Variants in MCPH1 observed in about 807,000 individuals in gnomAD.
MCPH1 encodes microcephalin 1.
In MCPH1, 104 loss-of-function variants were observed where a neutral mutation model predicts 84.5. The ratio of observed to expected loss-of-function variants is 1.23; its 90% CI spans 1.05 to 1.45. MCPH1 has a LOEUF of 1.45. Among genes scored for constraint, MCPH1 ranks in the 40% most tolerant of loss-of-function variants. The probability of loss-of-function intolerance (pLI) is 0.00; values close to 1 mark genes in which losing one functional copy is unlikely to be tolerated. For missense variants in MCPH1, 1,498 were observed against 1,005.7 expected (o/e 1.49, Z -6.62); for synonymous variants, 514 against 366.8 (o/e 1.40, Z -4.58).
intron 8 of MCPH1, chr8:6,446,627 C>G (rs969884219): frequency 7.1e-6 from 7 of 980,388 alleles, no homozygotes; most frequent in Non-Finnish European, 6.1e-6. Flanking sequence ...AATGTTGACT[C>G]AAAAGTTAAT....
chr8:6,494,856 C>A (rs1475238796), intron 11 of MCPH1, among the ~76,000 whole-genome samples: 1 of 152,234 alleles, frequency 6.6e-6, no homozygotes, highest in Admixed American at 6.5e-5. Flanking sequence ...ATATAAAATG[C>A]CATTGAATTG....
At chr8:6,549,459 G>A (rs1248771912) in intron 12 of MCPH1, among the ~76,000 whole-genome samples, 3 of 152,216 alleles carry the variant, frequency 2.0e-5, no homozygotes, top group Admixed American at 6.5e-5. Flanking sequence ...GGATATTGAC[G>A]AGGAGGGGCC....
At chr8:6,417,503 CTTCA>C (rs1799487926) in intron 3 of MCPH1, among the ~76,000 whole-genome samples, 1 of 152,136 alleles carries the variant, frequency 6.6e-6, no homozygotes, top group Admixed American at 6.5e-5. Context: ...TCTCCTTCTT[CTTCA>C]TTATTGTTCA....
chr8:6,464,096 A>G (rs1163876459), intron 9 of MCPH1, among the ~76,000 whole-genome samples: 2 of 152,184 alleles, frequency 1.3e-5, no homozygotes, highest in African/African-American at 4.8e-5. Context: ...AATCATTTCC[A>G]TTGTTCAGAC....
At chr8:6,507,951 A>T (rs945453391) in intron 12 of MCPH1, 4 of 152,034 alleles carry the variant, frequency 2.6e-5, no homozygotes, top group Admixed American at 2.0e-4. Flanking sequence ...ATACCAACCC[A>T]TCTGTTTTAA....
intron 12 of MCPH1, among the ~76,000 whole-genome samples, chr8:6,612,700 T>G (rs554282149): frequency 4.9e-4 from 74 of 152,330 alleles, no homozygotes; most frequent in African/African-American, 1.7e-3. Flanking sequence ...CCTCCTCCGC[T>G]CACATCGCCG....
In MCPH1 at chr8:6,617,257, G is replaced by GGGT. The variant is rs1427925986; in HGVS notation, c.2215-4195_2215-4194insTGG. The GGGT allele has an allele frequency of 6.9e-5, 5 of 72,746 alleles. No homozygotes were observed. The African/African-American group carries it at 1.5e-3, about 22-fold the overall frequency. 4.5% of individuals were successfully genotyped at this position (72,746 alleles called of 1,614,324 possible). A position where few individuals can be genotyped will look rare whatever the true frequency, so the allele number is the denominator to read the frequency against. ...GTATGAAAGTTATGGGTTTTTTGGTGGGGGGGGGGTGTTTTTTTTGTTTTT... is the reference window on the plus strand; with the variant it reads ...GTATGAAAGTTATGGGTTTTTTGGTGGGTGGGGGGGGGTGTTTTTTTTGTTTTT... On this transcript the variant is annotated intron_variant, in intron 12 of 13. Coordinates refer to ENST00000344683, the MANE Select transcript of MCPH1 (RefSeq NM_024596.5).
chr8:6,484,391 G>A (rs1809602228), intron 11 of MCPH1, among the ~76,000 whole-genome samples: 1 of 152,154 alleles, frequency 6.6e-6, no homozygotes, highest in Non-Finnish European at 1.5e-5. Flanking sequence ...AATAACAGTC[G>A]CACTCTAGCA....
At chr8:6,518,358 C>G (rs987199649) in intron 12 of MCPH1, among the ~76,000 whole-genome samples, 1 of 152,210 alleles carries the variant, frequency 6.6e-6, no homozygotes, top group Non-Finnish European at 1.5e-5. Flanking sequence ...AGAGTCTGTT[C>G]GTTGCCTTTT....
intron 6 of MCPH1, among the ~76,000 whole-genome samples, chr8:6,439,975 C>T (rs75404635): frequency 0.033 from 5,046 of 152,100 alleles, 233 homozygotes; most frequent in African/African-American, 0.1. Context: ...GAAAAAGATA[C>T]GGGTTTGGTT....
At chr8:6,638,830 G>C (rs1459036578) in intron 13 of MCPH1, among the ~76,000 whole-genome samples, 1 of 152,202 alleles carries the variant, frequency 6.6e-6, no homozygotes, top group South Asian at 2.1e-4. Context: ...TTTACAGTTA[G>C]GAACGTGGGG....
intron 11 of MCPH1, among the ~76,000 whole-genome samples, chr8:6,490,633 A>T (rs1010863874): frequency 3.9e-5 from 6 of 152,210 alleles, no homozygotes; most frequent in African/African-American, 1.4e-4. Context: ...GCTACCTGAT[A>T]CTTTTGATGT....
chr8:6,529,137 T>A (rs906495858), intron 12 of MCPH1, among the ~76,000 whole-genome samples: 1 of 152,190 alleles, frequency 6.6e-6, no homozygotes, highest in African/African-American at 2.4e-5. Context: ...TGTAACCATT[T>A]TCACATCACT....
At chr8:6,587,125 C>T (rs770374837) in intron 12 of MCPH1, among the ~76,000 whole-genome samples, 1 of 151,976 alleles carries the variant, frequency 6.6e-6, no homozygotes, top group South Asian at 2.1e-4. Flanking sequence ...CCTGAGTATG[C>T]GTGCACGTCT....
chr8:6,428,830 C>T (rs1196412973), intron 3 of MCPH1, among the ~76,000 whole-genome samples: 1 of 152,268 alleles, frequency 6.6e-6, no homozygotes, highest in Admixed American at 6.5e-5. Context: ...TGACCCTTTT[C>T]ACCCTCAATT....
chr8:6,549,608 G>A (rs1823253619), intron 12 of MCPH1, among the ~76,000 whole-genome samples: 1 of 152,016 alleles, frequency 6.6e-6, no homozygotes, highest in Non-Finnish European at 1.5e-5. Context: ...CTTGAGTTGG[G>A]CGGTCGTTAC....
chr8:6,589,686 C>A (rs1186987963), intron 12 of MCPH1, among the ~76,000 whole-genome samples: 1 of 152,190 alleles, frequency 6.6e-6, no homozygotes, highest in Non-Finnish European at 1.5e-5. Context: ...AGCTGGTCAG[C>A]CAAAAGTTTT....
rs1798066748 is a variant in MCPH1 at position 6,643,541 on chromosome 8, G to A, written c.*492G>A. 8 of 176,036 alleles carry A rather than the reference G, an allele frequency of 4.5e-5. No homozygotes were observed. In the South Asian group the frequency reaches 1.0e-3, roughly 22 times the overall value. 10.9% of individuals were successfully genotyped at this position (176,036 alleles called of 1,614,324 possible). Reference sequence around the variant, plus strand: ...TCTTCTATAGAATTCCAGTCTTTGTGTCTTAGTCATGATCATAATTGAAAG... The same window carrying A: ...TCTTCTATAGAATTCCAGTCTTTGTATCTTAGTCATGATCATAATTGAAAG... On this transcript the variant is annotated 3_prime_UTR_variant, in exon 14 of 14. Transcript: ENST00000344683.
intron 11 of MCPH1, among the ~76,000 whole-genome samples, chr8:6,486,599 T>C (rs1809959174): frequency 6.6e-6 from 1 of 152,222 alleles, no homozygotes; most frequent in African/African-American, 2.4e-5. Flanking sequence ...GAGAAGTTTA[T>C]TGGCAATTTT....
Sources: allele counts gnomAD v4.1 joint callset (sites outside exome capture counted in the v4.1 genomes callset), GRCh38; gene constraint gnomAD v4.1.1; transcripts MANE v1.5; gene names NCBI Gene and HGNC (gene_info 2026-07-23, HGNC 2026-07-21).